CNTNAP2: variants seen among roughly 807,000 people sequenced by gnomAD.
CNTNAP2 encodes the protein contactin-associated protein-like 2.
Under a neutral mutation model 155.2 loss-of-function variants are expected in CNTNAP2, and 98 were observed. That is an observed-to-expected ratio of 0.63 (90% CI 0.54 to 0.75). The LOEUF is 0.75. Ranked by LOEUF, CNTNAP2 falls within the 30% of genes least tolerant of loss-of-function variation. The probability of loss-of-function intolerance (pLI) is 0.00; values close to 1 mark genes in which losing one functional copy is unlikely to be tolerated. For synonymous variants in CNTNAP2, 651 were observed against 631.2 expected (o/e 1.03, Z -0.47); for missense variants, 1,727 against 1,688.1 (o/e 1.02, Z -0.40).
intron 13 of CNTNAP2, among the ~76,000 whole-genome samples, chr7:147,825,069 T>A (rs1271279219): frequency 6.6e-6 from 1 of 152,194 alleles, no homozygotes; most frequent in Non-Finnish European, 1.5e-5. Flanking sequence ...AGTCTAAGAT[T>A]TTATGTATCA....
chr7:146,421,499 G>T (rs1292782416), intron 1 of CNTNAP2, among the ~76,000 whole-genome samples: 1 of 151,858 alleles, frequency 6.6e-6, no homozygotes, highest in African/African-American at 2.4e-5. Flanking sequence ...TTTTACAACA[G>T]GTAGAAAATG....
At chr7:147,756,051 C>G (rs754903426) in intron 13 of CNTNAP2, among the ~76,000 whole-genome samples, 2 of 152,176 alleles carry the variant, frequency 1.3e-5, no homozygotes, top group Non-Finnish European at 2.9e-5. Flanking sequence ...AACACAGCCT[C>G]TAGCAGTATG....
At chr7:148,072,571 C>T (rs569702676) in intron 15 of CNTNAP2, among the ~76,000 whole-genome samples, 3 of 152,192 alleles carry the variant, frequency 2.0e-5, no homozygotes, top group African/African-American at 7.2e-5. Flanking sequence ...GCCTGTGGGT[C>T]GCACAAAAAC....
chr7:146,608,634 A>C (rs536752541), intron 1 of CNTNAP2, among the ~76,000 whole-genome samples: 1 of 152,266 alleles, frequency 6.6e-6, no homozygotes, highest in Non-Finnish European at 1.5e-5. Context: ...ATGTAAGTAT[A>C]AAGAATTGTC....
At chr7:147,666,062 C>T (rs370332200) in intron 13 of CNTNAP2, among the ~76,000 whole-genome samples, 68 of 152,214 alleles carry the variant, frequency 4.5e-4, no homozygotes, top group South Asian at 3.1e-3. Context: ...CTTATTTTTC[C>T]TTAAAGTAAC....
intron 15 of CNTNAP2, among the ~76,000 whole-genome samples, chr7:147,990,038 TC>T (rs2116880369): frequency 7.7e-6 from 1 of 130,432 alleles, no homozygotes; most frequent in South Asian, 2.5e-4. Context: ...CACTCACATT[TC>T]TGACCAACTG....
intron 21 of CNTNAP2, among the ~76,000 whole-genome samples, chr7:148,332,129 C>T (rs1405649362): frequency 6.9e-6 from 1 of 145,098 alleles, no homozygotes; most frequent in Non-Finnish European, 1.5e-5. Flanking sequence ...AAAGAGATCA[C>T]ATTTTACCTG....
intron 13 of CNTNAP2, among the ~76,000 whole-genome samples, chr7:147,861,999 CAAAAAAAAA>C (rs57139075): frequency 4.2e-5 from 4 of 94,960 alleles, no homozygotes; most frequent in Non-Finnish European, 4.2e-5. Context: ...CTCCATCTCA[CAAAAAAAAA>C]AAAAAAAAAA....
At chr7:147,211,953 G>A (rs1307543880) in intron 8 of CNTNAP2, among the ~76,000 whole-genome samples, 1 of 151,912 alleles carries the variant, frequency 6.6e-6, no homozygotes, top group Admixed American at 6.6e-5. Flanking sequence ...AACAGATGCT[G>A]ATCAAAATAA....
At chr7:146,270,872 C>A (rs1800070622) in intron 1 of CNTNAP2, among the ~76,000 whole-genome samples, 1 of 152,028 alleles carries the variant, frequency 6.6e-6, no homozygotes, top group African/African-American at 2.4e-5. Context: ...TTGCAAAAGA[C>A]AGATTGAGAC....
chr7:148,055,759 GTTAA>G (rs1802995524), intron 15 of CNTNAP2, among the ~76,000 whole-genome samples: 1 of 151,938 alleles, frequency 6.6e-6, no homozygotes, highest in Non-Finnish European at 1.5e-5. Flanking sequence ...AAGCATTGCA[GTTAA>G]GAAGGAAAAG....
chr7:147,785,821 A>G (rs1797729808), intron 13 of CNTNAP2, among the ~76,000 whole-genome samples: 1 of 151,814 alleles, frequency 6.6e-6, no homozygotes, highest in African/African-American at 2.4e-5. Flanking sequence ...GTGAAACCCC[A>G]TCTCTACTAA....
intron 1 of CNTNAP2, among the ~76,000 whole-genome samples, chr7:146,713,856 TC>T (rs2129175791): frequency 6.6e-6 from 1 of 152,260 alleles, no homozygotes; most frequent in South Asian, 2.1e-4. Flanking sequence ...TCTATTTATG[TC>T]ATCACCTCCT....
At chr7:147,898,475 A>G (rs1243595770) in intron 13 of CNTNAP2, among the ~76,000 whole-genome samples, 2 of 152,156 alleles carry the variant, frequency 1.3e-5, no homozygotes, top group African/African-American at 2.4e-5. Context: ...TAACATCCCA[A>G]GAGGGTGGAT....
At chr7:147,386,212 G>C (rs1218257564) in intron 9 of CNTNAP2, among the ~76,000 whole-genome samples, 1 of 152,066 alleles carries the variant, frequency 6.6e-6, no homozygotes, top group Non-Finnish European at 1.5e-5. Flanking sequence ...CCTGTGATGG[G>C]AGGGGCTGCC....
chr7:146,469,960 C>A (rs1361058495), intron 1 of CNTNAP2, among the ~76,000 whole-genome samples: 1 of 151,970 alleles, frequency 6.6e-6, no homozygotes, highest in Admixed American at 6.6e-5. Context: ...CTGCCTCAGC[C>A]TCCCGAGTAG....
intron 3 of CNTNAP2, among the ~76,000 whole-genome samples, chr7:147,019,364 T>C (rs1414932236): frequency 1.3e-5 from 2 of 152,012 alleles, no homozygotes; most frequent in Non-Finnish European, 2.9e-5. Context: ...ACTTATGATA[T>C]ACGACATTTT....
intron 1 of CNTNAP2, among the ~76,000 whole-genome samples, chr7:146,581,673 A>G (rs1300985742): frequency 6.6e-6 from 1 of 151,670 alleles, no homozygotes; most frequent in Admixed American, 6.6e-5. Context: ...AAAAAAAAGG[A>G]TTATTTGAAT....
chr7:146,611,420 A>C (rs983558915), intron 1 of CNTNAP2, among the ~76,000 whole-genome samples: 2 of 152,156 alleles, frequency 1.3e-5, no homozygotes, highest in African/African-American at 4.8e-5. Flanking sequence ...ATAAACTACT[A>C]GTGTTTTAGT....
Sources: allele counts gnomAD v4.1 joint callset (sites outside exome capture counted in the v4.1 genomes callset), GRCh38; gene constraint gnomAD v4.1.1; transcripts MANE v1.5; gene names NCBI Gene and HGNC (gene_info 2026-07-23, HGNC 2026-07-21).